ARHGEF38: variants seen among roughly 807,000 people sequenced by gnomAD.
ARHGEF38 encodes the protein Rho guanine nucleotide exchange factor 38.
Under a neutral mutation model 79.9 loss-of-function variants are expected in ARHGEF38, and 79 were observed. The ratio of observed to expected loss-of-function variants is 0.99; its 90% CI spans 0.82 to 1.19. The LOEUF (loss-of-function observed/expected upper bound fraction) is 1.19, where lower values mean the gene tolerates loss of function less well. ARHGEF38 is among the 50% of genes most tolerant of loss of function. The pLI, the probability that ARHGEF38 is intolerant of heterozygous loss-of-function variation, is 0.00. For synonymous variants in ARHGEF38, 366 were observed against 328.3 expected (o/e 1.11, Z -1.24); for missense variants, 962 against 907.2 (o/e 1.06, Z -0.78).
intron 1 of ARHGEF38, among the ~76,000 whole-genome samples, chr4:105,565,424 C>G (rs1243701631): frequency 6.6e-6 from 1 of 152,046 alleles, no homozygotes. Flanking sequence ...TGGTAGGGCT[C>G]GACGCAATGC....
At chr4:105,580,343 T>C (rs1403665125) in intron 1 of ARHGEF38, among the ~76,000 whole-genome samples, 1 of 152,208 alleles carries the variant, frequency 6.6e-6, no homozygotes, top group Non-Finnish European at 1.5e-5. Flanking sequence ...CTTTTCGATG[T>C]GGGCATTTAG....
At chr4:105,667,407 T>A in intron 12 of ARHGEF38, 37 bp from the exon 13 acceptor site, 1 of 1,534,534 alleles carries the variant, frequency 6.5e-7, no homozygotes, top group African/African-American at 1.4e-5. Context: ...AGTATACCCA[T>A]GAACTTGGTT....
intron 3 of ARHGEF38, among the ~76,000 whole-genome samples, chr4:105,614,965 A>G (rs1728453012): frequency 6.6e-6 from 1 of 152,202 alleles, no homozygotes; most frequent in African/African-American, 2.4e-5. Context: ...TAAAGAAAAC[A>G]TTTCTAGATG....
chr4:105,627,206 A>C (rs1728983454), intron 3 of ARHGEF38, among the ~76,000 whole-genome samples: 1 of 152,202 alleles, frequency 6.6e-6, no homozygotes, highest in African/African-American at 2.4e-5. Context: ...GGATGAACTA[A>C]GGAACACAAC....
chr4:105,659,319 G>A lies in ARHGEF38; in HGVS notation c.1499G>A (p.Arg500Lys). The change falls in exon 10 of 14, where the codon AGG (arginine) becomes AAG (lysine). Residue 500 changes from arginine (R) to lysine (K), a missense_variant. Physicochemically the swap from Arg to Lys is conservative, Grantham distance 26. Coordinates refer to ENST00000420470, the MANE Select transcript of ARHGEF38 (RefSeq NM_001242729.2). ...CTATGCAGCTTCATTACCCTCCTTA[G>A]GGACCTGATGCTCGTGGCACAGCAG... The part of the protein sequence containing the change: ...NCLCSFITLL[R>K]DLMLVAQQAY... 1 of 1,535,796 alleles carries A rather than the reference G, an allele frequency of 6.5e-7. No homozygotes were observed. The highest frequency in any genetic ancestry group is 8.7e-7 in the Non-Finnish European group (1 of 1,146,860).
chr4:105,673,696 G>A (rs1260018824), intron 13 of ARHGEF38, among the ~76,000 whole-genome samples: 1 of 152,130 alleles, frequency 6.6e-6, no homozygotes, highest in Non-Finnish European at 1.5e-5. Context: ...TGGAAGGAAG[G>A]AAAGAAGGAA....
chr4:105,585,074 T>C (rs1726969488), intron 1 of ARHGEF38, among the ~76,000 whole-genome samples: 1 of 152,242 alleles, frequency 6.6e-6, no homozygotes, highest in Admixed American at 6.5e-5. Context: ...TTTAGAGTCA[T>C]GCATTTTTCT....
intron 1 of ARHGEF38, among the ~76,000 whole-genome samples, chr4:105,553,985 A>C (rs1180072056): frequency 6.6e-6 from 1 of 152,186 alleles, no homozygotes; most frequent in East Asian, 1.9e-4. Context: ...ATTAAGTTAA[A>C]TAAGTTAAAT....
chr4:105,599,585 C>T (rs17035917), intron 2 of ARHGEF38, among the ~76,000 whole-genome samples: 11,982 of 152,060 alleles, frequency 0.079, 566 homozygotes, highest in African/African-American at 0.13. Context: ...AAAATTTCAG[C>T]GGCTGTGATT....
intron 7 of ARHGEF38, among the ~76,000 whole-genome samples, chr4:105,649,644 TA>T (rs1460584917): frequency 1.3e-5 from 2 of 152,208 alleles, no homozygotes; most frequent in African/African-American, 2.4e-5. Context: ...CTAAGATTTT[TA>T]GTTTGAACAA....
intron 1 of ARHGEF38, among the ~76,000 whole-genome samples, chr4:105,567,887 C>T (rs1250578127): frequency 6.6e-6 from 1 of 151,182 alleles, no homozygotes; most frequent in African/African-American, 2.4e-5. Context: ...CCCACTAACT[C>T]GTCATCTAGC....
Position 105,595,587 on chromosome 4 carries a change from T to C in ARHGEF38, c.384+6152T>C, listed in dbSNP as rs1254781846. 2.0e-5 allele frequency among the ~76,000 whole-genome samples: 3 copies of C among 152,310 alleles called. No homozygotes were observed. The East Asian group carries it at 5.8e-4, about 29-fold the overall frequency. On this transcript the variant is annotated intron_variant, in intron 2 of 13. Coordinates refer to ENST00000420470, the MANE Select transcript of ARHGEF38 (RefSeq NM_001242729.2). ...GAAATATTTTCTGGAATAGGAATTATACCATACACAGTTGTCCCTCAGTAT... is the reference window on the plus strand; with the variant it reads ...GAAATATTTTCTGGAATAGGAATTACACCATACACAGTTGTCCCTCAGTAT...
chr4:105,644,419 G>T (rs1462126509), intron 5 of ARHGEF38, among the ~76,000 whole-genome samples: 1 of 152,182 alleles, frequency 6.6e-6, no homozygotes, highest in Admixed American at 6.5e-5. Flanking sequence ...ATGAGAGTGG[G>T]CTAGACAATG....
chr4:105,603,383 A>G (rs1036172929), intron 2 of ARHGEF38, among the ~76,000 whole-genome samples: 1 of 151,866 alleles, frequency 6.6e-6, no homozygotes, highest in Admixed American at 6.6e-5. Context: ...CCTCGGGAGG[A>G]TGGGTGAGGA....
In ARHGEF38 at chr4:105,660,919, C is replaced by T. The variant is rs534221746; in HGVS notation, c.1545+1554C>T. Among the ~76,000 whole-genome samples, 6 of 152,202 alleles carry T rather than the reference C, an allele frequency of 3.9e-5. No homozygotes were observed. The East Asian group carries it at 1.2e-3, about 29-fold the overall frequency. ...AGTATATTCACAAGAGTTGTGCAGCCATTGCCACAACCAATTTTAGAACAT... is the reference window on the plus strand; with the variant it reads ...AGTATATTCACAAGAGTTGTGCAGCTATTGCCACAACCAATTTTAGAACAT... On this transcript the variant is annotated intron_variant, in intron 10 of 13. Transcript: ENST00000420470.
At chr4:105,608,710 C>G (rs1278075619) in intron 2 of ARHGEF38, among the ~76,000 whole-genome samples, 1 of 150,360 alleles carries the variant, frequency 6.7e-6, no homozygotes, top group Non-Finnish European at 1.5e-5. Context: ...TTTTTTTTAA[C>G]TTTTATTTTA....
At position 105,631,040 on chromosome 4, in the gene ARHGEF38, C is replaced by A. The variant is rs1729167138; in HGVS notation, c.651C>A (p.Ser217=). Residue 217 remains serine, a synonymous_variant, in exon 4 of 14, where the codon TCC becomes TCA. Coordinates refer to ENST00000420470, the MANE Select transcript of ARHGEF38 (RefSeq NM_001242729.2). ...AACATTTGAGCCACTGTATCCAGTC[C>A]TTAAAGTAAGGCCTTTTCAAATGAT... ...LKEHLSHCIQ[S]LKKIYMQEGK... The A allele has an allele frequency of 6.2e-7, 1 of 1,609,030 alleles. No individual in the cohort carries two copies. The highest frequency in any genetic ancestry group is 8.5e-7 in the Non-Finnish European group (1 of 1,178,478).
intron 2 of ARHGEF38, among the ~76,000 whole-genome samples, chr4:105,592,859 C>T (rs1727404015): frequency 6.6e-6 from 1 of 152,174 alleles, no homozygotes; most frequent in African/African-American, 2.4e-5. Flanking sequence ...AAGTTGGCTT[C>T]CTCCTATTAC....
intron 1 of ARHGEF38, among the ~76,000 whole-genome samples, chr4:105,556,965 CACA>C (rs1326868927): frequency 1.3e-5 from 2 of 152,124 alleles, no homozygotes; most frequent in Non-Finnish European, 2.9e-5. Flanking sequence ...TTTCAGAGCA[CACA>C]ACAACCATAT....
Sources: gnomAD v4.1 joint callset for allele counts (sites outside exome capture counted in the v4.1 genomes callset) on GRCh38, gnomAD v4.1.1 for gene constraint, MANE v1.5 for transcripts, NCBI Gene and HGNC (gene_info 2026-07-23, HGNC 2026-07-21) for gene names.